Variants in TET2 observed in about 807,000 individuals in gnomAD.
The protein encoded by TET2 is tet methylcytosine dioxygenase 2, also known as methylcytosine dioxygenase TET2.
TET2 carries 299 observed loss-of-function variants against 142.9 expected under a neutral mutation model. The observed-to-expected ratio is 2.09, with a 90% CI of 1.90 to 2.30. TET2 has a LOEUF of 2.30. Ranked by LOEUF, TET2 falls within the 30% of genes most tolerant of loss-of-function variation. The pLI, the probability that TET2 is intolerant of heterozygous loss-of-function variation, is 0.00. For synonymous variants in TET2, 819 were observed against 849.0 expected (o/e 0.96, Z 0.61); for missense variants, 2,418 against 2,378.0 (o/e 1.02, Z -0.35).
At chr4:105,248,995 C>CTT (rs1729724255) in intron 6 of TET2, among the ~76,000 whole-genome samples, 2 of 134,622 alleles carry the variant, frequency 1.5e-5, no homozygotes, top group Non-Finnish European at 1.6e-5. Context: ...TACCTTTTTT[C>CTT]TTTTTCTTTT....
intron 3 of TET2, chr4:105,240,250 C>T (rs1729220434): frequency 1.3e-6 from 1 of 749,588 alleles, no homozygotes; most frequent in Non-Finnish European, 1.7e-6. Context: ...TTGCCACAAA[C>T]CTTCAGTTTG....
At chr4:105,247,816 G>A (rs1468161708) in intron 6 of TET2, among the ~76,000 whole-genome samples, 1 of 147,278 alleles carries the variant, frequency 6.8e-6, no homozygotes, top group African/African-American at 2.5e-5. Context: ...CCACCTCCCA[G>A]GTTCAAGCTA....
intron 1 of TET2, among the ~76,000 whole-genome samples, chr4:105,183,352 A>G (rs1028203919): frequency 1.5e-4 from 23 of 152,304 alleles, no homozygotes; most frequent in African/African-American, 5.5e-4. Context: ...ATCCTTTTAT[A>G]AACTTAATAT....
chr4:105,272,826 T>C lies in TET2; in HGVS notation c.4445T>C (p.Leu1482Pro), dbSNP rs1476488446. 2 of 1,551,578 alleles carry C rather than the reference T, an allele frequency of 1.3e-6. No individual in the cohort carries two copies. The highest frequency in any genetic ancestry group is 1.7e-6 in the Non-Finnish European group (2 of 1,146,940). Residue 1482 changes from leucine (L) to proline (P), a missense_variant, in exon 10 of 11, where the codon CTG (leucine) becomes CCG (proline). Coordinates refer to ENST00000380013, the MANE Select transcript of TET2 (RefSeq NM_001127208.3). The part of the protein sequence containing the change: ...KKAAAEKLSS[L>P]ENSSNKNEKE... ...GCTGCAGCTGAAAAGCTTTCCTCCC[T>C]GGAGAACAGCTCAAATAAAAATGAA...
At position 105,243,594 on chromosome 4, in the gene TET2, G is replaced by A. The variant is rs2110254553; in HGVS notation, c.3619G>A (p.Glu1207Lys). ...GGTGGTTCGCAGAAGCAGCAGTGAA[G>A]AGAAGCTACTGTGTTTGGTGCGGGA... Reference protein sequence around the residue: ...KWVVRRSSSEEKLLCLVRERA... With the variant: ...KWVVRRSSSEKKLLCLVRERA... Residue 1207 changes from glutamate (E) to lysine (K), a missense_variant, in exon 6 of 11, where the codon GAG becomes AAG. Physicochemically the swap from Glu to Lys is moderately conservative, Grantham distance 56. Coordinates refer to ENST00000380013, the MANE Select transcript of TET2 (RefSeq NM_001127208.3). 6.4e-7 allele frequency: 1 copy of A among 1,551,658 alleles called. No individual in the cohort carries two copies. Among genetic ancestry groups the A allele is most frequent in the Non-Finnish European group, 8.7e-7 (1 of 1,146,954 alleles).
intron 4 of TET2, chr4:105,241,947 TTTTTTTC>T: frequency 1.6e-6 from 2 of 1,214,380 alleles, no homozygotes; most frequent in African/African-American, 1.7e-5. Flanking sequence ...CCTTTTTTTT[TTTTTTTC>T]GCTATCAATC....
intron 2 of TET2, among the ~76,000 whole-genome samples, chr4:105,207,578 A>G (rs1392776999): frequency 6.6e-6 from 1 of 152,046 alleles, no homozygotes; most frequent in Non-Finnish European, 1.5e-5. Flanking sequence ...CATAAAAGGA[A>G]CTGGAAAGAC....
At chr4:105,170,383 G>T (rs557224210) in intron 1 of TET2, among the ~76,000 whole-genome samples, 14 of 152,132 alleles carry the variant, frequency 9.2e-5, no homozygotes, top group Non-Finnish European at 1.3e-4. Flanking sequence ...TACTCTGAAG[G>T]CTGAGGCAGG....
chr4:105,262,408 G>C (rs905030555), intron 8 of TET2, among the ~76,000 whole-genome samples: 2 of 151,808 alleles, frequency 1.3e-5, no homozygotes, highest in African/African-American at 4.8e-5. Context: ...ACTATAGCTA[G>C]TTAAGACAGG....
At chr4:105,196,011 C>G (rs954029408) in intron 2 of TET2, among the ~76,000 whole-genome samples, 18 of 152,292 alleles carry the variant, frequency 1.2e-4, no homozygotes, top group African/African-American at 4.3e-4. Flanking sequence ...CTTCCTATTG[C>G]ATTGAGAGCA....
chr4:105,164,201 C>T (rs1006614589), intron 1 of TET2, among the ~76,000 whole-genome samples: 3 of 152,184 alleles, frequency 2.0e-5, no homozygotes, highest in African/African-American at 7.2e-5. Context: ...TCCCCTACTA[C>T]CCAGCCCATG....
chr4:105,252,368 T>C (rs1186210364), intron 6 of TET2, among the ~76,000 whole-genome samples: 1 of 152,218 alleles, frequency 6.6e-6, no homozygotes, highest in Non-Finnish European at 1.5e-5. Flanking sequence ...CTTTTCAGCA[T>C]TGAATAATAT....
chr4:105,246,724 A>G (rs1412242257), intron 6 of TET2, among the ~76,000 whole-genome samples: 1 of 152,240 alleles, frequency 6.6e-6, no homozygotes, highest in Non-Finnish European at 1.5e-5. Context: ...AATAATCTCA[A>G]ATTGGGGCTG....
chr4:105,171,900 A>G (rs910163871), intron 1 of TET2, among the ~76,000 whole-genome samples: 1 of 152,134 alleles, frequency 6.6e-6, no homozygotes, highest in African/African-American at 2.4e-5. Flanking sequence ...TCACCTTCAT[A>G]TGTCCATAGC....
At chr4:105,196,073 AAC>A (rs1327095638) in intron 2 of TET2, among the ~76,000 whole-genome samples, 1 of 152,006 alleles carries the variant, frequency 6.6e-6, no homozygotes, top group Non-Finnish European at 1.5e-5. Flanking sequence ...TCTACCCCAA[AAC>A]ACAGTTTAGA....
At chr4:105,195,973 C>G (rs1388774235) in intron 2 of TET2, among the ~76,000 whole-genome samples, 1 of 152,114 alleles carries the variant, frequency 6.6e-6, no homozygotes, top group Non-Finnish European at 1.5e-5. Context: ...CACACAATAC[C>G]CTTCCTTAAG....
chr4:105,231,990 G>A (rs1471403026), intron 2 of TET2, among the ~76,000 whole-genome samples: 8 of 152,126 alleles, frequency 5.3e-5, no homozygotes, highest in African/African-American at 1.4e-4. Context: ...GGTAATAAGC[G>A]TAGTACTTAA....
intron 8 of TET2, among the ~76,000 whole-genome samples, chr4:105,267,344 T>C (rs1186780616): frequency 6.6e-6 from 1 of 151,970 alleles, no homozygotes; most frequent in African/African-American, 2.4e-5. Context: ...GTTAAAAGAC[T>C]TTTAAAAAAA....
intron 10 of TET2, 106 bp downstream of exon 10, chr4:105,273,024 A>T (rs756192364): frequency 1.3e-4 from 112 of 840,202 alleles, no homozygotes; most frequent in Non-Finnish European, 1.9e-4. Context: ...TGGGGTACAC[A>T]TGCAGGATGT....
Sources: gnomAD v4.1 joint callset for allele counts (sites outside exome capture counted in the v4.1 genomes callset) on GRCh38, gnomAD v4.1.1 for gene constraint, MANE v1.5 for transcripts, NCBI Gene and HGNC (gene_info 2026-07-23, HGNC 2026-07-21) for gene names.